The following FGF13 variants were observed in gnomAD, a reference collection of about 807,000 sequenced individuals.
The protein encoded by FGF13 is fibroblast growth factor homologous factor 2.
In FGF13, 2 loss-of-function variants were observed where a neutral mutation model predicts 19.5. That is an observed-to-expected ratio of 0.10 (90% CI 0.04 to 0.32). The LOEUF (loss-of-function observed/expected upper bound fraction) is 0.32. Among genes scored for constraint, FGF13 ranks in the 10% least tolerant of loss-of-function variants. The probability of loss-of-function intolerance (pLI) is 1.00; values close to 1 mark genes in which losing one functional copy is unlikely to be tolerated. For missense variants in FGF13, 113 were observed against 192.7 expected (o/e 0.59, Z 2.45); for synonymous variants, 72 against 76.9 (o/e 0.94, Z 0.33).
chrX:138,772,469 C>A (rs1419132893), intron 3 of FGF13, among the ~76,000 whole-genome samples: 1 of 110,589 alleles, frequency 9.0e-6, no homozygotes, highest in Non-Finnish European at 1.9e-5. Flanking sequence ...CACTCAACAG[C>A]AAATGTTTTA....
At chrX:138,634,513 G>C (rs2089160332) in intron 4 of FGF13, among the ~76,000 whole-genome samples, 1 of 112,998 alleles carries the variant, frequency 8.8e-6, no homozygotes, top group African/African-American at 3.2e-5. Flanking sequence ...ATGCACTATG[G>C]AAAAATTAAA....
At chrX:138,694,289 C>T (rs147489154) in intron 3 of FGF13, among the ~76,000 whole-genome samples, 37 of 111,251 alleles carry the variant, frequency 3.3e-4, no homozygotes, top group Admixed American at 8.6e-4. Flanking sequence ...ATATCAGAAT[C>T]GATTTTATTG....
intron 1 of FGF13, among the ~76,000 whole-genome samples, chrX:139,052,695 C>A (rs954905354): frequency 3.4e-4 from 38 of 111,566 alleles, no homozygotes; most frequent in African/African-American, 1.2e-3. Flanking sequence ...GCCCTCCATT[C>A]GAAAGTCAAC....
chrX:139,187,117 C>T (rs955337788), intron 1 of FGF13, among the ~76,000 whole-genome samples: 1 of 112,910 alleles, frequency 8.9e-6, no homozygotes, highest in African/African-American at 3.2e-5. Flanking sequence ...ACACCCAATA[C>T]GTGTTCCTTG....
At chrX:138,772,016 GTGTA>G (rs1419101921) in intron 3 of FGF13, among the ~76,000 whole-genome samples, 1 of 34,976 alleles carries the variant, frequency 2.9e-5, no homozygotes, top group Admixed American at 4.3e-4. Context: ...AGATACATAT[GTGTA>G]TATATATATA....
At chrX:138,977,986 G>A (rs1307932972) in intron 1 of FGF13, among the ~76,000 whole-genome samples, 5 of 111,432 alleles carry the variant, frequency 4.5e-5, no homozygotes, top group African/African-American at 1.6e-4. Context: ...CAGATTAGCC[G>A]GATTTCAAGT....
chrX:138,656,964 C>T (rs1415628997), intron 3 of FGF13, among the ~76,000 whole-genome samples: 1 of 112,175 alleles, frequency 8.9e-6, no homozygotes, highest in Non-Finnish European at 1.9e-5. Flanking sequence ...CCTAACTTTT[C>T]AATCAGACTG....
At chrX:138,862,851 C>T (rs780711925) in intron 2 of FGF13, among the ~76,000 whole-genome samples, 1 of 111,739 alleles carries the variant, frequency 8.9e-6, no homozygotes, top group African/African-American at 3.3e-5. Flanking sequence ...CCTTTGCAAC[C>T]TCCCTCATTC....
chrX:138,649,019 G>C (rs1386028040), intron 3 of FGF13, among the ~76,000 whole-genome samples: 1 of 111,890 alleles, frequency 8.9e-6, no homozygotes, highest in Non-Finnish European at 1.9e-5. Flanking sequence ...CAAATATGTT[G>C]TATATATTAC....
chrX:138,790,825 G>T (rs1366953160), intron 3 of FGF13, among the ~76,000 whole-genome samples: 1 of 111,709 alleles, frequency 9.0e-6, no homozygotes, highest in African/African-American at 3.3e-5. Context: ...GCACCATAGT[G>T]TACCAAAATA....
chrX:139,054,989 G>A (rs1198942561), intron 1 of FGF13, among the ~76,000 whole-genome samples: 1 of 110,319 alleles, frequency 9.1e-6, no homozygotes, highest in South Asian at 3.8e-4. Flanking sequence ...CCGCTTGGTC[G>A]CTGTTGGTGT....
intron 1 of FGF13, among the ~76,000 whole-genome samples, chrX:139,005,736 T>C (rs1189868637): frequency 9.5e-6 from 1 of 105,776 alleles, no homozygotes; most frequent in Non-Finnish European, 1.9e-5. Flanking sequence ...TTAAAAATAT[T>C]GAAATAAACA....
At chrX:138,654,722 C>CA (rs1259185881) in intron 3 of FGF13, among the ~76,000 whole-genome samples, 1 of 108,311 alleles carries the variant, frequency 9.2e-6, no homozygotes, top group Non-Finnish European at 1.9e-5. Flanking sequence ...GCCTGGGTGA[C>CA]AGAGTGAAAC....
intron 3 of FGF13, among the ~76,000 whole-genome samples, chrX:138,811,379 G>T (rs1472767960): frequency 2.7e-5 from 3 of 110,548 alleles, no homozygotes; most frequent in African/African-American, 9.9e-5. Context: ...CTCACTTGTA[G>T]GTGGGAACTG....
intron 1 of FGF13, among the ~76,000 whole-genome samples, chrX:138,976,048 T>A (rs947978515): frequency 1.8e-5 from 2 of 111,553 alleles, no homozygotes; most frequent in Admixed American, 9.6e-5. Context: ...TGCATTAGTG[T>A]CCATTCATTG....
chrX:139,059,238 A>C (rs1414458936), intron 1 of FGF13, among the ~76,000 whole-genome samples: 1 of 110,519 alleles, frequency 9.0e-6, no homozygotes, highest in African/African-American at 3.3e-5. Context: ...GAGAAAAAAA[A>C]ACACAATTTA....
chrX:138,863,604 T>G (rs1443125673), intron 2 of FGF13, among the ~76,000 whole-genome samples: 1 of 112,380 alleles, frequency 8.9e-6, no homozygotes, highest in South Asian at 3.7e-4. Context: ...TTTCATACAG[T>G]TGTTTTGCAT....
rs907745151 is a variant in FGF13, at chrX:139,070,196, C to A, written c.-113+133220G>T. On this transcript the variant is annotated intron_variant, in intron 1 of 2. Transcript: ENST00000421460. ...AACTATCATCAGAGTGAACAGGCAA[C>A]CTACAATGGGAGAAAAAATTTGCAA... is the stretch of plus-strand genomic sequence containing the variant. 1.5e-4 allele frequency among the ~76,000 whole-genome samples: 17 copies of A among 111,560 alleles called. No homozygotes were observed. In the East Asian group the frequency reaches 4.5e-3, roughly 30 times the overall value.
chrX:139,072,688 T>C (rs778894534), intron 1 of FGF13, among the ~76,000 whole-genome samples: 7 of 111,999 alleles, frequency 6.3e-5, no homozygotes, highest in Admixed American at 2.9e-4. Context: ...CACTACAATA[T>C]GTCTAGGTTT....
Sources: gnomAD v4.1 joint callset for allele counts (sites outside exome capture counted in the v4.1 genomes callset) on GRCh38, gnomAD v4.1.1 for gene constraint, MANE v1.5 for transcripts, NCBI Gene and HGNC (gene_info 2026-07-23, HGNC 2026-07-21) for gene names.